Variants in ROBO1 observed in about 807,000 individuals in gnomAD.
ROBO1 encodes the protein roundabout homolog 1.
Under a neutral mutation model 195.9 loss-of-function variants are expected in ROBO1, and 149 were observed. That is an observed-to-expected ratio of 0.76 (90% CI 0.67 to 0.87). The LOEUF (loss-of-function observed/expected upper bound fraction) is 0.87, where lower values mean the gene tolerates loss of function less well. ROBO1 is among the 40% of genes least tolerant of loss of function. The probability of loss-of-function intolerance (pLI) is 0.00; values close to 1 mark genes in which losing one functional copy is unlikely to be tolerated. For missense variants in ROBO1, 1,933 were observed against 2,068.3 expected, an observed-to-expected ratio of 0.93 and a Z score of 1.27; for synonymous variants, 816 against 733.2, an observed-to-expected ratio of 1.11 and a Z score of -1.82.
chr3:79,173,198 G>T (rs1300523873), intron 2 of ROBO1, among the ~76,000 whole-genome samples: 1 of 152,164 alleles, frequency 6.6e-6, no homozygotes, highest in South Asian at 2.1e-4. Flanking sequence ...GCCCTCACTC[G>T]CTCTCGGTGC....
intron 2 of ROBO1, among the ~76,000 whole-genome samples, chr3:79,522,391 T>C (rs560424917): frequency 6.6e-6 from 1 of 152,192 alleles, no homozygotes; most frequent in South Asian, 2.1e-4. Flanking sequence ...CAAGCTTCTA[T>C]TTTTCTTTCA....
chr3:79,241,417 T>C (rs554315220), intron 2 of ROBO1, among the ~76,000 whole-genome samples: 3 of 152,144 alleles, frequency 2.0e-5, no homozygotes, highest in Non-Finnish European at 4.4e-5. Flanking sequence ...TCTTAGTATT[T>C]ATATTCAAAA....
intron 29 of ROBO1, among the ~76,000 whole-genome samples, chr3:78,604,735 G>C (rs1703370050): frequency 6.6e-6 from 1 of 152,026 alleles, no homozygotes; most frequent in African/African-American, 2.4e-5. Context: ...CTAATGACCA[G>C]ATGTCCATAA....
In ROBO1 at chr3:79,126,143, A is replaced by G. The variant is rs565450446; in HGVS notation, c.89-604T>C. ...TCAGAAGGCAACAATCTCTCATCTT[A>G]AAGGACTGATATAAATTTACTGCAA... On this transcript the variant is annotated intron_variant, in intron 2 of 30. Transcript: ENST00000464233. 1.6e-3 allele frequency among the ~76,000 whole-genome samples: 244 copies of G among 152,286 alleles called. 2 individuals are homozygous for G. Among genetic ancestry groups the G allele is most frequent in the African/African-American group, 5.3e-3 (222 of 41,578 alleles).
intron 1 of ROBO1, among the ~76,000 whole-genome samples, chr3:79,641,342 CT>C (rs1945653367): frequency 6.6e-6 from 1 of 152,062 alleles, no homozygotes; most frequent in African/African-American, 2.4e-5. Context: ...CTACACAACT[CT>C]TTTTTACATC....
chr3:79,726,627 T>C (rs1702936707), intron 1 of ROBO1, among the ~76,000 whole-genome samples: 1 of 152,206 alleles, frequency 6.6e-6, no homozygotes, highest in South Asian at 2.1e-4. Flanking sequence ...TTTGAGATTA[T>C]TGGCATTATC....
At chr3:78,712,017 C>CAAAAAAAAAAAAAAAA (rs56267632) in intron 8 of ROBO1, among the ~76,000 whole-genome samples, 2 of 76,464 alleles carry the variant, frequency 2.6e-5, no homozygotes, top group African/African-American at 5.4e-5. Context: ...AAGACCTTGG[C>CAAAAAAAAAAAAAAAA]AAAAAAAAAA....
chr3:79,652,677 A>C (rs755351051), intron 1 of ROBO1, among the ~76,000 whole-genome samples: 2 of 152,040 alleles, frequency 1.3e-5, no homozygotes, highest in Non-Finnish European at 2.9e-5. Flanking sequence ...ATTCACAGTG[A>C]TATTAATAGT....
At chr3:79,726,495 G>A (rs991609590) in intron 1 of ROBO1, among the ~76,000 whole-genome samples, 1 of 152,054 alleles carries the variant, frequency 6.6e-6, no homozygotes, top group Non-Finnish European at 1.5e-5. Flanking sequence ...TAATCATGGG[G>A]CAGCTTGTAT....
chr3:79,762,247 C>CG (rs917988801), intron 1 of ROBO1, among the ~76,000 whole-genome samples: 6 of 151,728 alleles, frequency 4.0e-5, no homozygotes, highest in African/African-American at 7.3e-5. Flanking sequence ...TATGTTTAGT[C>CG]GGGGGGGAAG....
At chr3:79,449,432 T>G (rs747863041) in intron 2 of ROBO1, among the ~76,000 whole-genome samples, 26 of 152,040 alleles carry the variant, frequency 1.7e-4, no homozygotes, top group Non-Finnish European at 2.1e-4. Context: ...ATTTACTAAA[T>G]GCTAATTCAG....
chr3:78,668,586 T>C (rs760963876), intron 11 of ROBO1, 21 bp from the exon 12 acceptor site: 1 of 1,610,762 alleles, frequency 6.2e-7, no homozygotes, highest in Non-Finnish European at 8.5e-7. Flanking sequence ...AGACAAAAAA[T>C]AAATATTTGG....
intron 3 of ROBO1, among the ~76,000 whole-genome samples, chr3:79,032,446 G>T (rs564147789): frequency 1.3e-4 from 20 of 151,730 alleles, no homozygotes; most frequent in Admixed American, 1.3e-3. Context: ...GTTTAGAATG[G>T]GTATACTAAT....
At chr3:79,001,623 T>C (rs2108136522) in intron 3 of ROBO1, among the ~76,000 whole-genome samples, 1 of 152,262 alleles carries the variant, frequency 6.6e-6, no homozygotes, top group African/African-American at 2.4e-5. Context: ...CATCTATATA[T>C]GAGTTAGTTT....
chr3:78,727,295 A>T (rs1270306297), intron 5 of ROBO1, among the ~76,000 whole-genome samples: 1 of 152,124 alleles, frequency 6.6e-6, no homozygotes, highest in Non-Finnish European at 1.5e-5. Flanking sequence ...TTTCCTTGTC[A>T]TAGTCCCAGG....
chr3:79,370,431 T>G (rs2036149991), intron 2 of ROBO1, among the ~76,000 whole-genome samples: 1 of 152,022 alleles, frequency 6.6e-6, no homozygotes, highest in South Asian at 2.1e-4. Context: ...CCCTTTATAT[T>G]CACAAAACCC....
chr3:78,624,688 G>T (rs1050952280), intron 26 of ROBO1, among the ~76,000 whole-genome samples: 3 of 152,032 alleles, frequency 2.0e-5, no homozygotes, highest in Non-Finnish European at 2.9e-5. Flanking sequence ...TGCCTTCAAA[G>T]AACTTTTAAT....
rs140605968 is a variant in ROBO1 at position 78,811,958 on chromosome 3, C to G, written c.500-65058G>C. Among the ~76,000 whole-genome samples, 99 of 152,130 alleles carry G rather than the reference C, an allele frequency of 6.5e-4. 1 individual carries two copies. In the East Asian group the frequency reaches 0.019, roughly 29 times the overall value. On this transcript the variant is annotated intron_variant, in intron 4 of 30. Coordinates refer to ENST00000464233, the MANE Select transcript of ROBO1 (RefSeq NM_002941.4). The stretch of plus-strand genomic sequence containing the variant: ...TAATACATTGCACCTGTCAGTCACG[C>G]CCAAGCTCATTCACAGTAGGAACTA...
intron 2 of ROBO1, among the ~76,000 whole-genome samples, chr3:79,320,605 A>G (rs1458582428): frequency 2.0e-5 from 3 of 152,184 alleles, no homozygotes; most frequent in African/African-American, 7.2e-5. Flanking sequence ...TCTGGGCGTC[A>G]CATCTTTAAT....
Sources: gnomAD v4.1 joint callset for allele counts (sites outside exome capture counted in the v4.1 genomes callset) on GRCh38, gnomAD v4.1.1 for gene constraint, MANE v1.5 for transcripts, NCBI Gene and HGNC (gene_info 2026-07-23, HGNC 2026-07-21) for gene names.